PRDM11: variants seen among roughly 807,000 people sequenced by gnomAD.
PRDM11 encodes the protein PR domain-containing protein 11.
A neutral mutation model predicts 97.8 loss-of-function variants in PRDM11; 20 were observed. The observed-to-expected ratio is 0.20, with a 90% CI of 0.14 to 0.30. PRDM11 has a LOEUF of 0.30. Among genes scored for constraint, PRDM11 ranks in the 10% least tolerant of loss-of-function variants. The pLI is 1.00. For synonymous variants in PRDM11, 599 were observed against 637.7 expected (o/e 0.94, Z 0.91); for missense variants, 1,139 against 1,555.2 (o/e 0.73, Z 4.50).
upstream of PRDM11, among the ~76,000 whole-genome samples, chr11:45,095,306 C>T (rs1367249581): frequency 6.6e-6 from 1 of 152,154 alleles, no homozygotes; most frequent in Admixed American, 6.5e-5. Flanking sequence ...CCCCTCCACA[C>T]CCACCTCCTC....
Position 45,099,280 on chromosome 11 carries a change from C to T in PRDM11, c.96+3379C>T, listed in dbSNP as rs1851932263. On this transcript the variant is annotated intron_variant, in intron 1 of 6. Transcript: ENST00000530656. ...GCAGCCTGGACAACACAGTGAAACG[C>T]TGTCTCTACTAAAGATACAAAAAAA... 3.9e-5 allele frequency among the ~76,000 whole-genome samples: 6 copies of T among 152,122 alleles called. No individual in the cohort carries two copies. The South Asian group carries it at 1.2e-3, about 32-fold the overall frequency.
intron 5 of PRDM11, among the ~76,000 whole-genome samples, chr11:45,216,839 T>C (rs1332002663): frequency 1.3e-5 from 2 of 152,368 alleles, no homozygotes; most frequent in Non-Finnish European, 2.9e-5. Context: ...CTAAACCTTT[T>C]GACACACCCT....
Position 45,219,306 on chromosome 11 carries a change from G to C in PRDM11, c.555-264G>C, listed in dbSNP as rs1452400006. 6.6e-6 allele frequency among the ~76,000 whole-genome samples: 1 copy of C among 152,192 alleles called. No individual in the cohort carries two copies. Among genetic ancestry groups the C allele is most frequent in the African/African-American group, 2.4e-5 (1 of 41,458 alleles). ...CATATGGTGTGAGGCAGGCAGGGCA[G>C]GTGTCATATCCAGTCTCAGAAAACA... On this transcript the variant is annotated intron_variant, in intron 5 of 7. Transcript: ENST00000683152. This position sits in a 1 kb window ranked among gnomAD's most constrained non-coding sequence, Gnocchi z 4.2.
chr11:45,112,984 TG>T (rs1852217197), intron 1 of PRDM11, among the ~76,000 whole-genome samples: 1 of 152,210 alleles, frequency 6.6e-6, no homozygotes, highest in African/African-American at 2.4e-5. Flanking sequence ...TTTTTGTTTT[TG>T]TTGCATTTGT....
intron 1 of PRDM11, among the ~76,000 whole-genome samples, chr11:45,135,294 C>T (rs1342218439): frequency 1.3e-5 from 2 of 152,196 alleles, no homozygotes; most frequent in Non-Finnish European, 2.9e-5. Flanking sequence ...TGTTTTGGAG[C>T]TTCTAGCTAA....
intron 1 of PRDM11, among the ~76,000 whole-genome samples, chr11:45,114,731 G>C (rs1253391942): frequency 6.6e-6 from 1 of 151,938 alleles, no homozygotes; most frequent in African/African-American, 2.4e-5. Context: ...ATCACACATA[G>C]AGGAACACTT....
intron 1 of PRDM11, among the ~76,000 whole-genome samples, chr11:45,101,703 G>T (rs201708809): frequency 2.1e-5 from 2 of 97,406 alleles, no homozygotes; most frequent in East Asian, 3.6e-4. Flanking sequence ...TCAGGGCTCA[G>T]AGCTGGAGGC....
chr11:45,156,896 G>A (rs1053628015), intron 1 of PRDM11, among the ~76,000 whole-genome samples: 1 of 152,192 alleles, frequency 6.6e-6, no homozygotes, highest in Admixed American at 6.5e-5. Flanking sequence ...AACAGTATGT[G>A]CAAAGGCAGG....
intron 1 of PRDM11, among the ~76,000 whole-genome samples, chr11:45,131,372 G>C (rs986502104): frequency 3.3e-5 from 5 of 152,150 alleles, no homozygotes; most frequent in Admixed American, 3.3e-4. Context: ...CTGTATATAC[G>C]TTATACTTCA....
In PRDM11 at chr11:45,111,225, G is replaced by C. The variant is rs1244908248; in HGVS notation, c.96+15324G>C. ...TCTTTCTTACAATCCATCCCACCCT[G>C]TCCCTCCACCACTTCCCCTCCCATC... On this transcript the variant is annotated intron_variant, in intron 1 of 6. Transcript: ENST00000530656. Among the ~76,000 whole-genome samples the C allele has an allele frequency of 1.7e-5, 2 of 116,210 alleles. 1 individual carries two copies. Among genetic ancestry groups the C allele is most frequent in the Non-Finnish European group, 4.5e-5 (2 of 44,436 alleles). The allele number at this position is 116,210 out of a possible 152,430, so 76.2% of individuals were successfully genotyped here. A position where few individuals can be genotyped will look rare whatever the true frequency, so the allele number is the denominator to read the frequency against.
intron 1 of PRDM11, among the ~76,000 whole-genome samples, chr11:45,158,500 G>T (rs1851854520): frequency 1.3e-5 from 2 of 152,328 alleles, no homozygotes; most frequent in South Asian, 4.1e-4. Context: ...TCTCTGTCCA[G>T]GCTCTGGCTT....
intron 4 of PRDM11, among the ~76,000 whole-genome samples, chr11:45,196,327 T>A (rs915150539): frequency 1.3e-5 from 2 of 152,210 alleles, no homozygotes; most frequent in Non-Finnish European, 2.9e-5. Context: ...GCGCCGGTTG[T>A]GTACTTAACA....
chr11:45,098,767 C>T (rs1227529601), intron 1 of PRDM11, among the ~76,000 whole-genome samples: 1 of 152,128 alleles, frequency 6.6e-6, no homozygotes, highest in Non-Finnish European at 1.5e-5. Context: ...AAGAATAGCA[C>T]TGTGAAGCCT....
intron 4 of PRDM11, 43 bp from the exon 5 acceptor site, chr11:45,204,668 C>T (rs775036257): frequency 1.1e-5 from 17 of 1,547,238 alleles, no homozygotes; most frequent in Non-Finnish European, 1.3e-5. Context: ...ACATGAGAAC[C>T]CCTCTAGAAT....
At position 45,226,861 on chromosome 11, in the gene PRDM11, A is replaced by G. The variant is rs1282599759; in HGVS notation, c.2236A>G (p.Met746Val). Residue 746 changes from methionine (M) to valine (V), a missense_variant, in exon 8 of 8, where the codon ATG becomes GTG. This residue lies in a region of PRDM11 where 710 missense variants were observed against 1,044.9 expected (regional missense o/e 0.68). Coordinates refer to ENST00000683152, the MANE Select transcript of PRDM11 (RefSeq NM_001384648.1). ...AGCCAGCCTCCGTGCCAGCATGTTCATGACCATCCGCAAGACGCTGCCCTG... is the reference window on the plus strand; with the variant it reads ...AGCCAGCCTCCGTGCCAGCATGTTCGTGACCATCCGCAAGACGCTGCCCTG... Reference protein sequence around the residue: ...ITASLRASMFMTIRKTLPWLL... With the variant: ...ITASLRASMFVTIRKTLPWLL... 6.5e-7 allele frequency: 1 copy of G among 1,533,926 alleles called. No individual in the cohort carries two copies. Among genetic ancestry groups the G allele is most frequent in the East Asian group, 2.4e-5 (1 of 40,910 alleles).
At chr11:45,136,609 G>A (rs1852851251) in intron 1 of PRDM11, among the ~76,000 whole-genome samples, 1 of 152,146 alleles carries the variant, frequency 6.6e-6, no homozygotes, top group Admixed American at 6.5e-5. Flanking sequence ...GCTTAGAAAT[G>A]GCAAGAACCA....
At chr11:45,201,279 A>G (rs1466066756) in intron 4 of PRDM11, among the ~76,000 whole-genome samples, 2 of 152,184 alleles carry the variant, frequency 1.3e-5, no homozygotes, top group Admixed American at 6.5e-5. Flanking sequence ...GTAAGTTTAT[A>G]TCATTTAGTT....
intron 1 of PRDM11, among the ~76,000 whole-genome samples, chr11:45,169,097 G>A (rs1478624700): frequency 6.6e-6 from 1 of 152,158 alleles, no homozygotes. Flanking sequence ...TGGGGTGGGG[G>A]TGGGGGAGAG....
intron 5 of PRDM11, chr11:45,212,555 G>T (rs976137700): frequency 1.3e-5 from 6 of 456,066 alleles, no homozygotes; most frequent in Non-Finnish European, 2.6e-5. Flanking sequence ...GGCCCACCTG[G>T]CCAGGCCCGC....
Sources: gnomAD v4.1 joint callset for allele counts (sites outside exome capture counted in the v4.1 genomes callset) on GRCh38, gnomAD v4.1.1 for gene constraint, gnomAD v4.1.1 regional missense constraint, Gnocchi (gnomAD v3.1) non-coding constraint, MANE v1.5 for transcripts, NCBI Gene and HGNC (gene_info 2026-07-23, HGNC 2026-07-21) for gene names.